The following GDPD1 variants were observed in gnomAD, a reference collection of about 807,000 sequenced individuals.
The protein encoded by GDPD1 is glycerophosphodiester phosphodiesterase domain containing 1, also known as lysophospholipase D GDPD1.
A neutral mutation model predicts 45.1 loss-of-function variants in GDPD1; 28 were observed. The observed-to-expected ratio is 0.62, with a 90% CI of 0.46 to 0.85. GDPD1 has a LOEUF of 0.85. Ranked by LOEUF, GDPD1 falls within the 40% of genes least tolerant of loss-of-function variation. The pLI is 0.00. For synonymous variants in GDPD1, 139 were observed against 131.4 expected (o/e 1.06, Z -0.40); for missense variants, 256 against 364.8 (o/e 0.70, Z 2.43).
At chr17:59,248,828 CAT>C in intron 4 of GDPD1, 43 bp downstream of exon 4, 1 of 1,386,438 alleles carries the variant, frequency 7.2e-7, no homozygotes, top group Non-Finnish European at 1.0e-6. Context: ...TGTTGAGAAG[CAT>C]ATGTGTGTTT....
intron 6 of GDPD1, among the ~76,000 whole-genome samples, chr17:59,261,299 G>T (rs985572731): frequency 6.6e-6 from 1 of 152,036 alleles, no homozygotes; most frequent in Non-Finnish European, 1.5e-5. Flanking sequence ...AGCAGGGGCT[G>T]AGAGATCCCA....
At chr17:59,243,119 G>A (rs2047186574) in intron 2 of GDPD1, among the ~76,000 whole-genome samples, 1 of 152,108 alleles carries the variant, frequency 6.6e-6, no homozygotes, top group Non-Finnish European at 1.5e-5. Context: ...AACCTGGAAG[G>A]CAGAGGTTGC....
intron 5 of GDPD1, among the ~76,000 whole-genome samples, 172 bp from the exon 6 acceptor site, chr17:59,257,579 T>C (rs1411602041): frequency 6.6e-6 from 1 of 152,238 alleles, no homozygotes; most frequent in African/African-American, 2.4e-5. Context: ...TATAATGATA[T>C]AATGTGAATA....
intron 1 of GDPD1, among the ~76,000 whole-genome samples, chr17:59,225,027 AAC>A (rs909105564): frequency 2.0e-5 from 3 of 152,100 alleles, no homozygotes; most frequent in Non-Finnish European, 4.4e-5. Flanking sequence ...TATTTAGAAA[AAC>A]AGTTACTTTT....
At chr17:59,259,493 G>A (rs1391723200) in intron 6 of GDPD1, among the ~76,000 whole-genome samples, 2 of 149,890 alleles carry the variant, frequency 1.3e-5, no homozygotes, top group Admixed American at 6.7e-5. Flanking sequence ...CGTGAACCCG[G>A]GAGGCAGAGC....
intron 4 of GDPD1, among the ~76,000 whole-genome samples, chr17:59,256,735 C>T (rs1219325639): frequency 6.6e-6 from 1 of 152,114 alleles, no homozygotes; most frequent in African/African-American, 2.4e-5. Context: ...ACTGGGAAAT[C>T]TGGGTAAAGG....
intron 4 of GDPD1, 89 bp downstream of exon 4, chr17:59,248,874 G>T: frequency 1.1e-6 from 1 of 928,544 alleles, no homozygotes; most frequent in South Asian, 1.5e-5. Context: ...AAAAGTAACT[G>T]ACCTCTAAGT....
intron 4 of GDPD1, among the ~76,000 whole-genome samples, chr17:59,253,709 G>T (rs1375219490): frequency 6.6e-6 from 1 of 151,968 alleles, no homozygotes; most frequent in African/African-American, 2.4e-5. Context: ...TGCCCACACC[G>T]TGACAAAAAG....
chr17:59,246,464 CA>C (rs2047212049), intron 3 of GDPD1, among the ~76,000 whole-genome samples: 1 of 151,506 alleles, frequency 6.6e-6, no homozygotes. Flanking sequence ...ACTAAAAATA[CA>C]AAAATTAGCC....
intron 4 of GDPD1, among the ~76,000 whole-genome samples, chr17:59,251,991 C>T (rs924315136): frequency 1.6e-5 from 1 of 60,912 alleles, no homozygotes; most frequent in African/African-American, 6.1e-5. Flanking sequence ...GACTCAGTCT[C>T]AAAAAAAAAA....
At chr17:59,250,935 A>G (rs922005262) in intron 4 of GDPD1, among the ~76,000 whole-genome samples, 6 of 151,988 alleles carry the variant, frequency 3.9e-5, no homozygotes, top group Admixed American at 3.3e-4. Context: ...GCTGGCCTCA[A>G]CTGATTTACC....
intron 7 of GDPD1, among the ~76,000 whole-genome samples, chr17:59,267,672 T>C (rs1302521900): frequency 6.6e-6 from 1 of 151,516 alleles, no homozygotes. Context: ...AGTGGTTTTT[T>C]GTTTTTTTTT....
rs868149962 is a variant in GDPD1 at position 59,272,212 on chromosome 17, A to G, written c.771-573A>G. ...ATAGAAATAATGTCTTTCCAGTGCA[A>G]TGAATTCCTATCTTGCTCAAGAGGT... On this transcript the variant is annotated intron_variant, in intron 8 of 9. Coordinates refer to ENST00000284116, the MANE Select transcript of GDPD1 (RefSeq NM_182569.4). Among the ~76,000 whole-genome samples, 31 of 152,310 alleles carry G rather than the reference A, an allele frequency of 2.0e-4. No homozygotes were observed. In the Middle Eastern group the frequency reaches 0.01, roughly 50 times the overall value.
chr17:59,256,463 A>C (rs546068659), intron 4 of GDPD1, among the ~76,000 whole-genome samples: 1 of 152,176 alleles, frequency 6.6e-6, no homozygotes, highest in Non-Finnish European at 1.5e-5. Flanking sequence ...TCTTCAACAC[A>C]TTACTGATTT....
At chr17:59,266,823 C>T (rs1713627556) in intron 6 of GDPD1, among the ~76,000 whole-genome samples, 1 of 152,114 alleles carries the variant, frequency 6.6e-6, no homozygotes, top group Admixed American at 6.6e-5. Context: ...ATTTTAGTAA[C>T]ATCATTATAC....
At chr17:59,230,690 G>A (rs922404991) in intron 1 of GDPD1, among the ~76,000 whole-genome samples, 3 of 151,930 alleles carry the variant, frequency 2.0e-5, no homozygotes, top group African/African-American at 7.3e-5. Context: ...CCCAGTTGCA[G>A]AAATTTAAGA....
chr17:59,228,227 T>C (rs1031820491), intron 1 of GDPD1, among the ~76,000 whole-genome samples: 6 of 151,052 alleles, frequency 4.0e-5, no homozygotes, highest in Non-Finnish European at 7.4e-5. Context: ...TATTAACTCA[T>C]TTGATTATAC....
At chr17:59,253,364 T>G (rs530967439) in intron 4 of GDPD1, among the ~76,000 whole-genome samples, 2 of 152,156 alleles carry the variant, frequency 1.3e-5, no homozygotes, top group Non-Finnish European at 2.9e-5. Context: ...AGGCATCTAA[T>G]TTATGTATTA....
chr17:59,244,216 C>G (rs959048767), intron 2 of GDPD1, among the ~76,000 whole-genome samples: 6 of 152,112 alleles, frequency 3.9e-5, no homozygotes, highest in African/African-American at 1.4e-4. Flanking sequence ...CGTCCCTTCT[C>G]CCTTGATTCT....
Sources: gnomAD v4.1 joint callset for allele counts (sites outside exome capture counted in the v4.1 genomes callset) on GRCh38, gnomAD v4.1.1 for gene constraint, MANE v1.5 for transcripts, NCBI Gene and HGNC (gene_info 2026-07-23, HGNC 2026-07-21) for gene names.